Variants in ROBO2 observed in about 807,000 individuals in gnomAD.
ROBO2 encodes roundabout guidance receptor 2, also known as roundabout homolog 2.
ROBO2 carries 53 observed loss-of-function variants against 160.8 expected under a neutral mutation model. The observed-to-expected ratio is 0.33, with a 90% confidence interval of 0.26 to 0.41. The LOEUF is 0.41. Ranked by LOEUF, ROBO2 falls within the 10% of genes least tolerant of loss-of-function variation. The probability of loss-of-function intolerance (pLI) is 1.00; values close to 1 mark genes in which losing one functional copy is unlikely to be tolerated. For synonymous variants in ROBO2, 664 were observed against 611.7 expected, an observed-to-expected ratio of 1.09 and a Z score of -1.26; for missense variants, 1,577 against 1,722.4, an observed-to-expected ratio of 0.92 and a Z score of 1.49.
At chr3:75,964,625 A>G (rs1193536019) in intron 2 of ROBO2, among the ~76,000 whole-genome samples, 1 of 151,650 alleles carries the variant, frequency 6.6e-6, no homozygotes, top group African/African-American at 2.4e-5. Context: ...GCTTTAGACA[A>G]CATGAAAATA....
At chr3:76,794,043 C>T (rs2063534593) in intron 2 of ROBO2, among the ~76,000 whole-genome samples, 1 of 151,848 alleles carries the variant, frequency 6.6e-6, no homozygotes, top group Non-Finnish European at 1.5e-5. Context: ...GAATAGGACT[C>T]TTCTTTTGGT....
chr3:77,127,896 T>C (rs1465001428), intron 2 of ROBO2, among the ~76,000 whole-genome samples: 2 of 152,194 alleles, frequency 1.3e-5, no homozygotes, highest in African/African-American at 2.4e-5. Context: ...TTCCATTCAA[T>C]CCTAGTTATA....
intron 2 of ROBO2, among the ~76,000 whole-genome samples, chr3:77,214,258 T>C (rs1158862855): frequency 1.3e-5 from 2 of 152,196 alleles, no homozygotes; most frequent in Non-Finnish European, 2.9e-5. Flanking sequence ...CGAGTCTGGG[T>C]GCTCCTGTAT....
At chr3:77,250,586 G>A (rs1268463258) in intron 2 of ROBO2, among the ~76,000 whole-genome samples, 6 of 152,178 alleles carry the variant, frequency 3.9e-5, no homozygotes, top group African/African-American at 1.4e-4. Flanking sequence ...ACATCCATGT[G>A]TTAACTGACT....
At chr3:76,243,216 T>A (rs1250415159) in intron 2 of ROBO2, among the ~76,000 whole-genome samples, 1 of 152,088 alleles carries the variant, frequency 6.6e-6, no homozygotes, top group East Asian at 1.9e-4. Context: ...CCATTACATG[T>A]CACTTCTGAT....
intron 2 of ROBO2, among the ~76,000 whole-genome samples, chr3:76,785,657 G>T (rs985416717): frequency 6.6e-6 from 1 of 151,058 alleles, no homozygotes; most frequent in South Asian, 2.1e-4. Context: ...ACCTATCTGA[G>T]AGAGAAAGAA....
intron 2 of ROBO2, among the ~76,000 whole-genome samples, chr3:76,842,250 A>T (rs1348932840): frequency 6.6e-6 from 1 of 152,196 alleles, no homozygotes; most frequent in Admixed American, 6.5e-5. Flanking sequence ...CCCAAATTCA[A>T]TATTCACTTA....
At chr3:76,879,120 A>G (rs1347128479) in intron 2 of ROBO2, among the ~76,000 whole-genome samples, 1 of 152,158 alleles carries the variant, frequency 6.6e-6, no homozygotes, top group African/African-American at 2.4e-5. Flanking sequence ...TGATTTTCCT[A>G]ATTCTACTTT....
chr3:77,479,829 G>A (rs546417291), intron 3 of ROBO2, among the ~76,000 whole-genome samples: 9 of 152,178 alleles, frequency 5.9e-5, no homozygotes, highest in East Asian at 5.8e-4. Context: ...GGGTATCTTC[G>A]TTCCCCTCCT....
At chr3:76,466,702 G>A (rs906990861) in intron 2 of ROBO2, among the ~76,000 whole-genome samples, 7 of 151,876 alleles carry the variant, frequency 4.6e-5, no homozygotes, top group African/African-American at 9.7e-5. Flanking sequence ...TTCATTTTGA[G>A]AATGTGTGTC....
intron 2 of ROBO2, among the ~76,000 whole-genome samples, chr3:76,367,743 T>C (rs2108452294): frequency 6.6e-6 from 1 of 152,068 alleles, no homozygotes; most frequent in Non-Finnish European, 1.5e-5. Context: ...AGATATTTTC[T>C]TTTTCAAAAT....
intron 2 of ROBO2, among the ~76,000 whole-genome samples, chr3:76,308,119 T>A (rs2071407433): frequency 6.6e-6 from 1 of 151,990 alleles, no homozygotes; most frequent in South Asian, 2.1e-4. Flanking sequence ...TGGCTCACGC[T>A]TGTAATCCCA....
intron 2 of ROBO2, among the ~76,000 whole-genome samples, chr3:76,812,290 T>A: frequency 7.0e-6 from 1 of 142,558 alleles, no homozygotes; most frequent in East Asian, 2.1e-4. Flanking sequence ...CAAATTGATA[T>A]ACCACAGGCT....
chr3:76,635,348 A>G (rs1313918549), intron 2 of ROBO2, among the ~76,000 whole-genome samples: 1 of 152,174 alleles, frequency 6.6e-6, no homozygotes, highest in African/African-American at 2.4e-5. Flanking sequence ...ATTTTGTTGC[A>G]TAAAACTCAC....
chr3:77,050,537 G>C (rs939926274), intron 1 of ROBO2, among the ~76,000 whole-genome samples: 1 of 150,286 alleles, frequency 6.7e-6, no homozygotes. Flanking sequence ...GAAAATGCTA[G>C]GTACAACATT....
intron 2 of ROBO2, among the ~76,000 whole-genome samples, chr3:77,284,652 G>A (rs1580659954): frequency 6.6e-6 from 1 of 152,066 alleles, no homozygotes; most frequent in African/African-American, 2.4e-5. Context: ...GAAGGTGGAA[G>A]CCCTGGGTAT....
At chr3:76,094,927 A>G (rs2069377230) in intron 2 of ROBO2, among the ~76,000 whole-genome samples, 1 of 152,202 alleles carries the variant, frequency 6.6e-6, no homozygotes, top group Non-Finnish European at 1.5e-5. Context: ...GAGATGGGAC[A>G]ACTGACTGAT....
chr3:77,194,337 G>A (rs11721234), intron 2 of ROBO2, among the ~76,000 whole-genome samples: 29,742 of 151,892 alleles, frequency 0.2, 3,331 homozygotes, highest in Middle Eastern at 0.31. Flanking sequence ...TGTTCTTTAC[G>A]TAAGTTCACT....
At chr3:76,603,352 ATATATAT>A (rs1248198574) in intron 2 of ROBO2, among the ~76,000 whole-genome samples, 2 of 32,178 alleles carry the variant, frequency 6.2e-5, no homozygotes, top group South Asian at 1.0e-3. Context: ...AAAAAAAAAA[ATATATAT>A]ATATATATAT....
Sources: gnomAD v4.1 joint callset for allele counts (sites outside exome capture counted in the v4.1 genomes callset) on GRCh38, gnomAD v4.1.1 for gene constraint, MANE v1.5 for transcripts, NCBI Gene and HGNC (gene_info 2026-07-23, HGNC 2026-07-21) for gene names.